The following NBEA variants were observed in gnomAD, a reference collection of about 807,000 sequenced individuals.
NBEA encodes the protein lysosomal-trafficking regulator 2.
NBEA carries 44 observed loss-of-function variants against 343.4 expected under a neutral mutation model. The ratio of observed to expected loss-of-function variants is 0.13; its 90% CI spans 0.10 to 0.16. NBEA has a LOEUF of 0.16. Ranked by LOEUF, NBEA falls within the 10% of genes least tolerant of loss-of-function variation. NBEA has a pLI of 1.00. For missense variants in NBEA, 2,555 were observed against 3,631.3 expected, an observed-to-expected ratio of 0.70 and a Z score of 7.62; for synonymous variants, 1,175 against 1,238.7, an observed-to-expected ratio of 0.95 and a Z score of 1.08.
intron 57 of NBEA, 85 bp downstream of exon 57, chr13:35,667,655 ATGTC>A: frequency 1.6e-6 from 2 of 1,245,316 alleles, no homozygotes; most frequent in Non-Finnish European, 2.3e-6. Flanking sequence ...TCATAATAGA[ATGTC>A]TGTGCTATCC....
intron 1 of NBEA, among the ~76,000 whole-genome samples, chr13:34,993,917 G>A (rs1361269986): frequency 2.6e-5 from 4 of 152,076 alleles, no homozygotes; most frequent in Non-Finnish European, 1.5e-5. Context: ...TTCATAAGGG[G>A]CTGGGCATGG....
intron 10 of NBEA, among the ~76,000 whole-genome samples, chr13:35,096,958 TTTAC>T (rs2065366593): frequency 6.6e-6 from 1 of 151,926 alleles, no homozygotes; most frequent in Non-Finnish European, 1.5e-5. Context: ...TTTGTGATAG[TTTAC>T]TTTTTTTTGT....
intron 36 of NBEA, among the ~76,000 whole-genome samples, chr13:35,332,840 CA>C (rs2039006970): frequency 6.6e-6 from 1 of 152,090 alleles, no homozygotes; most frequent in Non-Finnish European, 1.5e-5. Context: ...TCACATTCTA[CA>C]TAGAGTACAC....
chr13:35,416,276 AT>A (rs1410156398), intron 38 of NBEA, among the ~76,000 whole-genome samples: 3 of 152,272 alleles, frequency 2.0e-5, no homozygotes, highest in Admixed American at 2.0e-4. Context: ...ACTATATCGA[AT>A]AGGAATGGTG....
chr13:34,994,248 T>C (rs1162376926), intron 1 of NBEA, among the ~76,000 whole-genome samples: 1 of 70,026 alleles, frequency 1.4e-5, no homozygotes, highest in Non-Finnish European at 3.5e-5. Flanking sequence ...AAAAAGTAAA[T>C]AAATGGAGTT....
chr13:35,013,402 A>G (rs2061549585), intron 1 of NBEA, among the ~76,000 whole-genome samples: 1 of 152,168 alleles, frequency 6.6e-6, no homozygotes, highest in African/African-American at 2.4e-5. Flanking sequence ...GCTCAGAGAT[A>G]CACTTCGGAC....
chr13:35,142,870 T>C (rs1256843798), intron 18 of NBEA, among the ~76,000 whole-genome samples: 1 of 152,210 alleles, frequency 6.6e-6, no homozygotes, highest in Non-Finnish European at 1.5e-5. Flanking sequence ...GTTCCTTTTT[T>C]ATCACTTCCA....
chr13:35,420,490 T>A (rs9573872), intron 38 of NBEA, among the ~76,000 whole-genome samples: 56,082 of 151,680 alleles, frequency 0.37, 10,592 homozygotes, highest in East Asian at 0.63. Flanking sequence ...TTTTTTGTAC[T>A]GTTTTTGGTT....
chr13:35,328,689 T>A (rs1448050510), intron 36 of NBEA, among the ~76,000 whole-genome samples: 1 of 151,684 alleles, frequency 6.6e-6, no homozygotes, highest in Non-Finnish European at 1.5e-5. Context: ...ACGGTGTTCA[T>A]GGATCTGAAG....
At chr13:35,485,212 G>C (rs987312430) in intron 41 of NBEA, among the ~76,000 whole-genome samples, 1 of 152,056 alleles carries the variant, frequency 6.6e-6, no homozygotes, top group Non-Finnish European at 1.5e-5. Context: ...TATATTGGAT[G>C]TGTACAGTTT....
intron 35 of NBEA, among the ~76,000 whole-genome samples, chr13:35,297,312 C>T (rs2036202084): frequency 6.6e-6 from 1 of 151,970 alleles, no homozygotes; most frequent in African/African-American, 2.4e-5. Flanking sequence ...CATCTGAGTG[C>T]ATAAATCTAG....
At chr13:35,497,147 G>A (rs1268168515) in intron 41 of NBEA, among the ~76,000 whole-genome samples, 7 of 152,106 alleles carry the variant, frequency 4.6e-5, no homozygotes, top group African/African-American at 1.7e-4. Context: ...CCTCCAATAG[G>A]TTATCTCATA....
intron 34 of NBEA, among the ~76,000 whole-genome samples, chr13:35,243,393 T>G (rs1011430384): frequency 1.3e-5 from 2 of 151,614 alleles, no homozygotes; most frequent in African/African-American, 2.4e-5. Context: ...AACAACAAAT[T>G]AAAATAGTTC....
rs376422030 is a variant in NBEA, at chr13:34,971,964, G to C, written c.294+28850G>C. On this transcript the variant is annotated intron_variant, in intron 1 of 58. Coordinates refer to ENST00000379939, the MANE Select transcript of NBEA (RefSeq NM_001385012.1). ...TCTGGTAGAATTCAGCTGTGAATCTGTCTGGCCCTGGGCTTTTTTTGGTTG... is the reference window on the plus strand; with the variant it reads ...TCTGGTAGAATTCAGCTGTGAATCTCTCTGGCCCTGGGCTTTTTTTGGTTG... 2.0e-5 allele frequency among the ~76,000 whole-genome samples: 3 copies of C among 151,964 alleles called. No homozygotes were observed. In the South Asian group the frequency reaches 6.2e-4, roughly 32 times the overall value.
intron 41 of NBEA, among the ~76,000 whole-genome samples, chr13:35,535,240 A>G (rs1460194944): frequency 2.0e-5 from 3 of 152,178 alleles, no homozygotes; most frequent in African/African-American, 2.4e-5. Context: ...AGAAGCAAAA[A>G]CACCATGGGA....
intron 5 of NBEA, among the ~76,000 whole-genome samples, chr13:35,049,103 C>T (rs2062971824): frequency 6.6e-6 from 1 of 151,666 alleles, no homozygotes; most frequent in African/African-American, 2.4e-5. Flanking sequence ...TTGATAATAA[C>T]TATGTAAGAA....
At chr13:35,580,207 A>G (rs2080953802) in intron 45 of NBEA, among the ~76,000 whole-genome samples, 2 of 152,146 alleles carry the variant, frequency 1.3e-5, no homozygotes, top group African/African-American at 4.8e-5. Flanking sequence ...AAAAAAGACA[A>G]AACAGCAATA....
At chr13:35,271,648 G>C (rs923413826) in intron 34 of NBEA, among the ~76,000 whole-genome samples, 53 of 152,210 alleles carry the variant, frequency 3.5e-4, no homozygotes, top group African/African-American at 1.2e-3. Flanking sequence ...AACCAGTGTA[G>C]AGAAGAGCTT....
chr13:35,019,304 GT>G (rs1184776979), intron 1 of NBEA, among the ~76,000 whole-genome samples: 74 of 142,992 alleles, frequency 5.2e-4, no homozygotes, highest in Admixed American at 2.1e-4. Context: ...TTTGTTTTTT[GT>G]TTTTTTTTTT....
Sources: gnomAD v4.1 joint callset for allele counts (sites outside exome capture counted in the v4.1 genomes callset) on GRCh38, gnomAD v4.1.1 for gene constraint, MANE v1.5 for transcripts, NCBI Gene and HGNC (gene_info 2026-07-23, HGNC 2026-07-21) for gene names.